Variants in NALF2 observed in about 807,000 individuals in gnomAD.
NALF2 encodes NALCN channel auxiliary factor 2.
A neutral mutation model predicts 24.8 loss-of-function variants in NALF2; 1 was observed. That is an observed-to-expected ratio of 0.04 (90% confidence interval 0.01 to 0.19). The LOEUF (loss-of-function observed/expected upper bound fraction) is 0.19, where lower values mean the gene tolerates loss of function less well. Among genes scored for constraint, NALF2 ranks in the 10% least tolerant of loss-of-function variants. The probability of loss-of-function intolerance (pLI) is 1.00; values close to 1 mark genes in which losing one functional copy is unlikely to be tolerated. For synonymous variants in NALF2, 254 were observed against 189.8 expected, an observed-to-expected ratio of 1.34 and a Z score of -2.78; for missense variants, 458 against 409.6, an observed-to-expected ratio of 1.12 and a Z score of -1.02.
chrX:69,511,290 C>T (rs960109215), intron 1 of NALF2, among the ~76,000 whole-genome samples: 5 of 110,891 alleles, frequency 4.5e-5, no homozygotes, highest in African/African-American at 1.6e-4. Context: ...CCCACACCCT[C>T]TTCTGGCCTG....
Position 69,527,208 on chromosome X carries a change from TGAG to T in NALF2, c.862-1779_862-1777del, listed in dbSNP as rs201904432. Among the ~76,000 whole-genome samples the T allele has an allele frequency of 3.2e-4, 36 of 111,918 alleles. 1 individual carries two copies. The East Asian group carries it at 4.8e-3, about 15-fold the overall frequency. ...GGCACTCACTGAAATGGTCAAGACT[TGAG>T]GAGGACAGTGGATTGGGGATTAAAA... On this transcript the variant is annotated intron_variant, in intron 1 of 2. Coordinates refer to ENST00000252338, the MANE Select transcript of NALF2 (RefSeq NM_015686.3).
chrX:69,509,901 G>T (rs923531123), intron 1 of NALF2, among the ~76,000 whole-genome samples: 5 of 112,344 alleles, frequency 4.5e-5, no homozygotes, highest in Non-Finnish European at 9.4e-5. Flanking sequence ...TCAACTCTCT[G>T]AGCCTCACTT....
chrX:69,520,032 C>T (rs771838851), intron 1 of NALF2, among the ~76,000 whole-genome samples: 1 of 112,192 alleles, frequency 8.9e-6, no homozygotes, highest in African/African-American at 3.2e-5. Flanking sequence ...CTCCTCCAAT[C>T]TCTTGAGCCA....
At chrX:69,512,176 G>A (rs6625470) in intron 1 of NALF2, among the ~76,000 whole-genome samples, 3 of 111,900 alleles carry the variant, frequency 2.7e-5, no homozygotes, top group Non-Finnish European at 5.6e-5. Flanking sequence ...ACCATTCTCC[G>A]ATGCTGGCCT....
intron 1 of NALF2, among the ~76,000 whole-genome samples, chrX:69,510,556 G>A (rs2147710513): frequency 8.9e-6 from 1 of 112,615 alleles, no homozygotes; most frequent in South Asian, 3.7e-4. Context: ...CAGTCAGGAA[G>A]CAGTGCCCCA....
At chrX:69,511,165 C>A (rs1362597673) in intron 1 of NALF2, among the ~76,000 whole-genome samples, 2 of 108,797 alleles carry the variant, frequency 1.8e-5, no homozygotes, top group African/African-American at 3.4e-5. Flanking sequence ...TCCACCTCAA[C>A]TCTGGACCTC....
intron 1 of NALF2, among the ~76,000 whole-genome samples, chrX:69,520,690 T>G (rs1930721520): frequency 8.9e-6 from 1 of 111,941 alleles, no homozygotes; most frequent in Admixed American, 9.5e-5. Context: ...CTATGCCTCC[T>G]ATTTTCCCTG....
chrX:69,526,966 A>G (rs1021697715), intron 1 of NALF2, among the ~76,000 whole-genome samples: 2 of 112,244 alleles, frequency 1.8e-5, no homozygotes, highest in Admixed American at 9.4e-5. Context: ...ACATGAGTCA[A>G]TTGCGTTTTG....
chrX:69,506,221 A>C lies in NALF2; in HGVS notation c.861+78A>C, dbSNP rs1373240431. 35 of 1,067,061 alleles carry C rather than the reference A, an allele frequency of 3.3e-5. No homozygotes were observed. The South Asian group carries it at 6.0e-4, about 18-fold the overall frequency. 87.9% of individuals were successfully genotyped at this position (1,067,061 alleles called of 1,213,427 possible). On this transcript the variant is annotated intron_variant, in intron 1 of 2. Transcript: ENST00000252338. ...CGCAGTGGGACCGGGAGAAAAAAGG[A>C]AGTCTCCCTTTCTACCCACCCCACC...
intron 1 of NALF2, among the ~76,000 whole-genome samples, chrX:69,520,907 G>A (rs1377779671): frequency 1.8e-5 from 2 of 111,744 alleles, no homozygotes; most frequent in African/African-American, 6.5e-5. Context: ...CACTCAGACT[G>A]TTGGAATTGT....
Position 69,505,908 on chromosome X carries a change from T to G in NALF2, c.626T>G (p.Leu209Arg), listed in dbSNP as rs1365666983. Residue 209 changes from leucine (L) to arginine (R), a missense_variant, in exon 1 of 3, where the codon CTG becomes CGG. Physicochemically the swap from Leu to Arg is moderately radical, Grantham distance 102. Transcript: ENST00000252338. ...ACCTACACGGTCTGGGACTTGCTGC[T>G]GGGCATGGACCGCCCCGACAGCCTG... Reference protein sequence around the residue: ...CDTYTVWDLLLGMDRPDSLDC... With the variant: ...CDTYTVWDLLRGMDRPDSLDC... 8.3e-7 allele frequency: 1 copy of G among 1,211,675 alleles called. No homozygotes were observed. The highest frequency in any genetic ancestry group is 1.1e-6 in the Non-Finnish European group (1 of 895,456).
At chrX:69,509,103 G>A (rs1439706666) in intron 1 of NALF2, among the ~76,000 whole-genome samples, 1 of 112,075 alleles carries the variant, frequency 8.9e-6, no homozygotes, top group Non-Finnish European at 1.9e-5. Context: ...AGTACCAGCT[G>A]CAACATTTCC....
At chrX:69,526,420 A>G (rs1039394128) in intron 1 of NALF2, among the ~76,000 whole-genome samples, 1 of 111,859 alleles carries the variant, frequency 8.9e-6, no homozygotes, top group African/African-American at 3.3e-5. Flanking sequence ...TTCAAATTAG[A>G]TGTGTCTACC....
Position 69,505,606 on chromosome X carries a change from C to G in NALF2, c.324C>G (p.Ser108Arg), listed in dbSNP as rs768426384. 1 of 1,095,320 alleles carries G rather than the reference C, an allele frequency of 9.1e-7. No individual in the cohort carries two copies. The highest frequency in any genetic ancestry group is 4.1e-5 in the Admixed American group (1 of 24,449). 90.3% of individuals were successfully genotyped at this position (1,095,320 alleles called of 1,213,427 possible). ...PLPPPPPGEP[S>R]APPGTCGPRY... ...CGCCGCCGCCGCCCGGCGAGCCCAG[C>G]GCGCCCCCAGGCACCTGCGGCCCCA... The change falls in exon 1 of 3, where the codon AGC (serine) becomes AGG (arginine). Residue 108 changes from serine to arginine, a missense_variant. Physicochemically the swap from Ser to Arg is moderately radical, Grantham distance 110 (BLOSUM62 -1). Transcript: ENST00000252338.
intron 1 of NALF2, among the ~76,000 whole-genome samples, chrX:69,510,361 C>G (rs1030542982): frequency 1.8e-5 from 2 of 112,186 alleles, no homozygotes; most frequent in African/African-American, 6.5e-5. Context: ...TCCTCCACTC[C>G]GGCTGGCAGC....
chrX:69,521,417 T>TA lies in NALF2; in HGVS notation c.862-7575dup, dbSNP rs774770168. On this transcript the variant is annotated intron_variant, in intron 1 of 2. Transcript: ENST00000252338. ...TAATGCTACTACTGTACCAAGGAGA[T>TA]ACAGTGCTTCTTGACTTACAATGGG... Among the ~76,000 whole-genome samples, 342 of 111,397 alleles carry TA rather than the reference T, an allele frequency of 3.1e-3. 2 individuals carry two copies. The highest frequency in any genetic ancestry group is 6.9e-3 in the Admixed American group (72 of 10,509).
chrX:69,529,241 G>C (rs1682882049), intron 2 of NALF2, 77 bp downstream of exon 2: 9 of 1,050,504 alleles, frequency 8.6e-6, no homozygotes, highest in Non-Finnish European at 1.2e-5. Context: ...GTTGGGAGCA[G>C]GGATAACAAC....
At chrX:69,517,474 G>T (rs1364991518) in intron 1 of NALF2, among the ~76,000 whole-genome samples, 1 of 112,218 alleles carries the variant, frequency 8.9e-6, no homozygotes, top group Non-Finnish European at 1.9e-5. Context: ...AAATGTCTGG[G>T]TCAGGTGATT....
chrX:69,519,185 A>G (rs1399710339), intron 1 of NALF2, among the ~76,000 whole-genome samples: 1 of 111,846 alleles, frequency 8.9e-6, no homozygotes, highest in African/African-American at 3.3e-5. Context: ...AACATTCCCA[A>G]TTTCTTTATC....
Sources: allele counts gnomAD v4.1 joint callset (sites outside exome capture counted in the v4.1 genomes callset), GRCh38; gene constraint gnomAD v4.1.1; transcripts MANE v1.5; gene names NCBI Gene and HGNC (gene_info 2026-07-23, HGNC 2026-07-21).